The following ZNF423 variants were observed in gnomAD, a reference collection of about 807,000 sequenced individuals.
ZNF423 encodes the protein zinc finger protein 423.
ZNF423 carries 12 observed loss-of-function variants against 95.8 expected under a neutral mutation model. That is an observed-to-expected ratio of 0.13 (90% CI 0.08 to 0.20). The LOEUF (loss-of-function observed/expected upper bound fraction) is 0.20. ZNF423 is among the 10% of genes least tolerant of loss of function. ZNF423 has a pLI of 1.00. For missense variants in ZNF423, 1,316 were observed against 1,737.1 expected (o/e 0.76, Z 4.31); for synonymous variants, 749 against 711.9 (o/e 1.05, Z -0.83).
At chr16:49,513,660 TGGATGGATGGATGGAC>T (rs1306619300) in intron 7 of ZNF423, among the ~76,000 whole-genome samples, 2 of 133,162 alleles carry the variant, frequency 1.5e-5, no homozygotes, top group East Asian at 2.3e-4. Flanking sequence ...GATGGATGGA[TGGATGGATGGATGGAC>T]GGACGGATGG....
At chr16:49,752,864 G>A (rs1167804660) in intron 2 of ZNF423, among the ~76,000 whole-genome samples, 1 of 152,228 alleles carries the variant, frequency 6.6e-6, no homozygotes. Flanking sequence ...GGACTGCGGG[G>A]CTGCTGTGTG....
chr16:49,610,426 AC>A (rs1971685783), intron 5 of ZNF423, among the ~76,000 whole-genome samples: 1 of 152,144 alleles, frequency 6.6e-6, no homozygotes, highest in South Asian at 2.1e-4. Flanking sequence ...ACGGGAGGTA[AC>A]TTTTCTACAT....
intron 5 of ZNF423, among the ~76,000 whole-genome samples, chr16:49,537,286 C>T (rs925314211): frequency 3.9e-5 from 6 of 152,134 alleles, no homozygotes; most frequent in Non-Finnish European, 7.4e-5. Flanking sequence ...AGAAGCCCAC[C>T]GGCCACAGCA....
intron 1 of ZNF423, among the ~76,000 whole-genome samples, chr16:49,797,742 A>C (rs188634509): frequency 2.0e-4 from 31 of 152,334 alleles, no homozygotes; most frequent in Admixed American, 1.5e-3. Context: ...CACTTGCTGA[A>C]AAGAGAACAA....
intron 5 of ZNF423, among the ~76,000 whole-genome samples, chr16:49,555,127 T>C (rs1042557013): frequency 6.6e-6 from 1 of 152,124 alleles, no homozygotes; most frequent in African/African-American, 2.4e-5. Flanking sequence ...TAAACACACC[T>C]ACATCAAAAA....
At chr16:49,544,021 A>G (rs1969351945) in intron 5 of ZNF423, among the ~76,000 whole-genome samples, 1 of 152,230 alleles carries the variant, frequency 6.6e-6, no homozygotes, top group Non-Finnish European at 1.5e-5. Flanking sequence ...TAACACCGTC[A>G]TTAGTCTAAT....
chr16:49,690,665 C>T (rs2031743036), intron 3 of ZNF423, among the ~76,000 whole-genome samples: 1 of 152,194 alleles, frequency 6.6e-6, no homozygotes, highest in South Asian at 2.1e-4. Context: ...CTGGAGGAGG[C>T]AGCGAGGGGG....
intron 1 of ZNF423, among the ~76,000 whole-genome samples, chr16:49,846,095 A>C (rs2035242267): frequency 6.6e-6 from 1 of 152,012 alleles, no homozygotes. Flanking sequence ...TGAGGTTAGG[A>C]GTTCGAGACC....
chr16:49,833,109 C>A (rs1458015677), intron 1 of ZNF423, among the ~76,000 whole-genome samples: 1 of 152,234 alleles, frequency 6.6e-6, no homozygotes, highest in Non-Finnish European at 1.5e-5. Flanking sequence ...CCAGGCCTGG[C>A]CCCTCATGGG....
chr16:49,502,714 A>G (rs1967456709), intron 7 of ZNF423, among the ~76,000 whole-genome samples: 1 of 151,748 alleles, frequency 6.6e-6, no homozygotes, highest in Non-Finnish European at 1.5e-5. Context: ...GTGCTTACGA[A>G]AGCAGCCTCC....
intron 2 of ZNF423, among the ~76,000 whole-genome samples, chr16:49,758,286 C>T (rs1159739998): frequency 2.6e-5 from 4 of 152,066 alleles, no homozygotes; most frequent in Non-Finnish European, 5.9e-5. Context: ...TTATAGGCAC[C>T]CGCCACCATG....
intron 1 of ZNF423, among the ~76,000 whole-genome samples, chr16:49,844,760 AGGCCCTGT>A (rs2035225426): frequency 6.6e-6 from 1 of 152,174 alleles, no homozygotes; most frequent in South Asian, 2.1e-4. Context: ...AATATTGGCG[AGGCCCTGT>A]GGCTCACGCC....
chr16:49,843,001 G>GA (rs1482460909), intron 1 of ZNF423, among the ~76,000 whole-genome samples: 1 of 149,126 alleles, frequency 6.7e-6, no homozygotes, highest in African/African-American at 2.5e-5. Flanking sequence ...AAAGGAAAAA[G>GA]AAAAAACAAA....
chr16:49,744,144 C>T (rs2033472817), intron 2 of ZNF423, among the ~76,000 whole-genome samples: 1 of 152,220 alleles, frequency 6.6e-6, no homozygotes, highest in African/African-American at 2.4e-5. Context: ...TTTCTGCCGA[C>T]TTCCCGTCAG....
At chr16:49,600,061 C>T (rs1024591132) in intron 5 of ZNF423, among the ~76,000 whole-genome samples, 1 of 152,222 alleles carries the variant, frequency 6.6e-6, no homozygotes, top group East Asian at 1.9e-4. Flanking sequence ...TGGCTCACTC[C>T]TGTAATCCCA....
chr16:49,667,230 A>T (rs1378998535), intron 3 of ZNF423, among the ~76,000 whole-genome samples: 1 of 152,186 alleles, frequency 6.6e-6, no homozygotes, highest in Non-Finnish European at 1.5e-5. Context: ...TGCCAGTAAA[A>T]TGCCTAGTCC....
chr16:49,552,496 A>G (rs1262822439), intron 5 of ZNF423, among the ~76,000 whole-genome samples: 2 of 152,198 alleles, frequency 1.3e-5, no homozygotes, highest in Non-Finnish European at 2.9e-5. Context: ...CCACTACTCC[A>G]GCTTGATATG....
chr16:49,701,163 TA>T (rs1226178018), intron 3 of ZNF423, among the ~76,000 whole-genome samples: 1 of 152,084 alleles, frequency 6.6e-6, no homozygotes, highest in Non-Finnish European at 1.5e-5. Context: ...TTGTAACTTT[TA>T]AAAAAACAGA....
At chr16:49,506,334 CAGAT>C (rs1377962826) in intron 7 of ZNF423, among the ~76,000 whole-genome samples, 2 of 151,672 alleles carry the variant, frequency 1.3e-5, no homozygotes, top group Non-Finnish European at 2.9e-5. Flanking sequence ...GGATGATGGA[CAGAT>C]GGATGGATGG....
Sources: gnomAD v4.1 joint callset for allele counts (sites outside exome capture counted in the v4.1 genomes callset) on GRCh38, gnomAD v4.1.1 for gene constraint, MANE v1.5 for transcripts, NCBI Gene and HGNC (gene_info 2026-07-23, HGNC 2026-07-21) for gene names.